WDR44: variants seen among roughly 807,000 people sequenced by gnomAD.
WDR44 encodes WD repeat-containing protein 44.
Under a neutral mutation model 65.7 loss-of-function variants are expected in WDR44, and 9 were observed. That is an observed-to-expected ratio of 0.14 (90% CI 0.08 to 0.24). The LOEUF is 0.24. Among genes scored for constraint, WDR44 ranks in the 10% least tolerant of loss-of-function variants. The pLI is 1.00. For synonymous variants in WDR44, 220 were observed against 235.2 expected, an observed-to-expected ratio of 0.94 and a Z score of 0.59; for missense variants, 425 against 670.9, an observed-to-expected ratio of 0.63 and a Z score of 4.05.
intron 12 of WDR44, among the ~76,000 whole-genome samples, chrX:118,413,499 C>T (rs1205271050): frequency 9.0e-6 from 1 of 111,694 alleles, no homozygotes; most frequent in African/African-American, 3.3e-5. Context: ...TGAGAATTGT[C>T]TATTTATGTC....
In WDR44 at chrX:118,346,445, C is replaced by A; in HGVS notation, c.-59C>A. The A allele has an allele frequency of 9.3e-7, 1 of 1,076,143 alleles. No individual in the cohort carries two copies. Among genetic ancestry groups the A allele is most frequent in the Non-Finnish European group, 1.3e-6 (1 of 773,790 alleles). The allele number at this position is 1,076,143 out of a possible 1,213,427, so 88.7% of individuals were successfully genotyped here. On this transcript the variant is annotated 5_prime_UTR_variant, in exon 1 of 20. Transcript: ENST00000254029. ...CGGGTGGAGGTCGACGAGGAGGAGA[C>A]AAGAGTCACCCTTCCTCCAGGCGGC... is the stretch of plus-strand genomic sequence containing the variant.
chrX:118,433,320 C>T (rs967854586), intron 13 of WDR44, among the ~76,000 whole-genome samples: 1 of 111,322 alleles, frequency 9.0e-6, no homozygotes, highest in African/African-American at 3.3e-5. Flanking sequence ...GATTTTGGAG[C>T]ACTGTATGTT....
intron 13 of WDR44, among the ~76,000 whole-genome samples, chrX:118,436,026 TGAG>T (rs1277303070): frequency 8.9e-6 from 1 of 112,136 alleles, no homozygotes; most frequent in Admixed American, 9.5e-5. Context: ...TAGATTATGT[TGAG>T]GAATTAATGA....
At chrX:118,382,785 A>G (rs2056731399) in intron 2 of WDR44, among the ~76,000 whole-genome samples, 1 of 112,254 alleles carries the variant, frequency 8.9e-6, no homozygotes, top group Non-Finnish European at 1.9e-5. Flanking sequence ...TGAATAAGCT[A>G]CCATACCTTT....
At chrX:118,348,030 T>G (rs1283197472) in intron 1 of WDR44, among the ~76,000 whole-genome samples, 2 of 111,143 alleles carry the variant, frequency 1.8e-5, no homozygotes, top group East Asian at 5.6e-4. Context: ...AGACACCAAG[T>G]CCTTTGGTAC....
intron 14 of WDR44, among the ~76,000 whole-genome samples, chrX:118,437,763 C>T (rs1342515184): frequency 1.8e-5 from 2 of 111,731 alleles, no homozygotes; most frequent in Non-Finnish European, 3.8e-5. Flanking sequence ...AAGGGCCAGG[C>T]GCGGTGGCTC....
chrX:118,405,551 G>A (rs765089013), intron 9 of WDR44, among the ~76,000 whole-genome samples: 3 of 110,589 alleles, frequency 2.7e-5, no homozygotes, highest in Non-Finnish European at 5.7e-5. Context: ...TGTTGCCCAA[G>A]CTGGTCTCGC....
chrX:118,403,026 G>C lies in WDR44; in HGVS notation c.1275-1312G>C, dbSNP rs72607627. ...GTTTTTTCTATCTGATAACCAAGAA[G>C]ACTACTAAGTAATAAGTGGGTATCA... On this transcript the variant is annotated intron_variant, in intron 8 of 19. Transcript: ENST00000254029. Among the ~76,000 whole-genome samples, 596 of 111,632 alleles carry C rather than the reference G, an allele frequency of 5.3e-3. 18 individuals are homozygous for C. In the East Asian group the frequency reaches 0.081, roughly 15 times the overall value.
At chrX:118,390,118 C>T (rs1194439538) in intron 3 of WDR44, among the ~76,000 whole-genome samples, 1 of 109,349 alleles carries the variant, frequency 9.1e-6, no homozygotes, top group African/African-American at 3.3e-5. Flanking sequence ...GATGGGGTTT[C>T]ACCATGTTGG....
chrX:118,392,770 G>A lies in WDR44; in HGVS notation c.325G>A (p.Gly109Arg), dbSNP rs750429631. The A allele has an allele frequency of 1.2e-5, 15 of 1,211,424 alleles. No individual in the cohort carries two copies. Among genetic ancestry groups the A allele is most frequent in the Admixed American group, 4.4e-5 (2 of 45,937 alleles). ...VARTDLSNIPGLLAIDQVLPE... is the reference protein window; with the variant it reads ...VARTDLSNIPRLLAIDQVLPE... ...TAGAACAGATCTGAGCAATATACCC[G>A]GACTGTTAGCCATAGATCAAGTACT... Residue 109 changes from glycine (G) to arginine (R), a missense_variant, in exon 4 of 20, where the codon GGA (glycine) becomes AGA (arginine). Around this residue, in one of 5 missense-constraint regions of WDR44, gnomAD observed 193 missense variants for 209.0 expected, o/e 0.92. Transcript: ENST00000254029.
chrX:118,358,046 G>T (rs949575507), intron 1 of WDR44, among the ~76,000 whole-genome samples: 1 of 111,984 alleles, frequency 8.9e-6, no homozygotes, highest in Non-Finnish European at 1.9e-5. Context: ...GGTGGTACAC[G>T]CCTGTAGTCA....
chrX:118,436,445 T>G (rs1166207729), intron 13 of WDR44: 2 of 388,738 alleles, frequency 5.1e-6, no homozygotes, highest in African/African-American at 5.0e-5. Context: ...GGCAGATTTC[T>G]TTAGACATTG....
intron 2 of WDR44, among the ~76,000 whole-genome samples, chrX:118,383,859 TATTTCTTTTTTTTA>T (rs1315899881): frequency 9.6e-6 from 1 of 104,108 alleles, no homozygotes; most frequent in East Asian, 3.0e-4. Context: ...GTTAGATTTT[TATTTCTTTTTTTTA>T]ATTTCTTTTT....
chrX:118,395,619 A>G (rs185072332), intron 6 of WDR44, among the ~76,000 whole-genome samples: 558 of 112,261 alleles, frequency 5.0e-3, no homozygotes, highest in Non-Finnish European at 8.9e-3. Flanking sequence ...CTTTGTTGAT[A>G]TGCTGGATGT....
At chrX:118,351,687 C>T (rs193037169) in intron 1 of WDR44, among the ~76,000 whole-genome samples, 6 of 111,672 alleles carry the variant, frequency 5.4e-5, no homozygotes, top group African/African-American at 2.0e-4. Flanking sequence ...CCATGACTCA[C>T]GCCTGTAATC....
In WDR44 at chrX:118,393,075, C is replaced by T. The variant is rs148316090; in HGVS notation, c.630C>T (p.Ala210=). The part of the protein sequence containing the change: ...TKDFAAVEEV[A]PAKPPRHLTP... Reference sequence around the variant, plus strand: ...ATTTTGCCGCTGTGGAAGAAGTGGCCCCTGCCAAACCCCCAAGACACCTTA... The same window carrying T: ...ATTTTGCCGCTGTGGAAGAAGTGGCTCCTGCCAAACCCCCAAGACACCTTA... Residue 210 remains alanine, a synonymous_variant, in exon 4 of 20, where the codon GCC becomes GCT. Coordinates refer to ENST00000254029, the MANE Select transcript of WDR44 (RefSeq NM_019045.5). The T allele has an allele frequency of 2.1e-4, 258 of 1,210,005 alleles. No individual in the cohort carries two copies. The African/African-American group carries it at 3.7e-3, about 17-fold the overall frequency.
intron 2 of WDR44, among the ~76,000 whole-genome samples, chrX:118,379,051 A>C (rs2056690863): frequency 9.1e-6 from 1 of 109,668 alleles, no homozygotes; most frequent in East Asian, 2.9e-4. Flanking sequence ...CTCAAAAAAA[A>C]AAGCAAAAAA....
intron 1 of WDR44, among the ~76,000 whole-genome samples, chrX:118,364,818 C>T (rs186759011): frequency 8.9e-6 from 1 of 112,268 alleles, no homozygotes; most frequent in African/African-American, 3.2e-5. Flanking sequence ...ATGGCTTTTT[C>T]TAAACTCAGG....
At chrX:118,389,828 G>A (rs1342947789) in intron 3 of WDR44, among the ~76,000 whole-genome samples, 2 of 109,633 alleles carry the variant, frequency 1.8e-5, no homozygotes, top group Non-Finnish European at 3.8e-5. Context: ...TGAGCCTAGA[G>A]AGCAAAGTTA....
Sources: allele counts gnomAD v4.1 joint callset (sites outside exome capture counted in the v4.1 genomes callset), GRCh38; gene constraint gnomAD v4.1.1; regional missense constraint gnomAD v4.1.1; transcripts MANE v1.5; gene names NCBI Gene and HGNC (gene_info 2026-07-23, HGNC 2026-07-21).